LTN1: variants seen among roughly 807,000 people sequenced by gnomAD.
LTN1 encodes the protein listerin E3 ubiquitin protein ligase 1.
A neutral mutation model predicts 201.2 loss-of-function variants in LTN1; 88 were observed. The observed-to-expected ratio is 0.44, with a 90% CI of 0.37 to 0.52. LTN1 has a LOEUF of 0.52. Among genes scored for constraint, LTN1 ranks in the 20% least tolerant of loss-of-function variants. The pLI, the probability that LTN1 is intolerant of heterozygous loss-of-function variation, is 0.00. For missense variants in LTN1, 1,752 were observed against 2,038.7 expected (o/e 0.86, Z 2.71); for synonymous variants, 645 against 713.5 (o/e 0.90, Z 1.53).
At position 28,982,377 on chromosome 21, in the gene LTN1, G is replaced by A. The variant is rs1048265879; in HGVS notation, c.577-9C>T. 54 of 1,610,922 alleles carry A rather than the reference G, an allele frequency of 3.4e-5. No homozygotes were observed. Among genetic ancestry groups the A allele is most frequent in the Non-Finnish European group, 4.5e-5 (53 of 1,177,256 alleles). ...AGATGATCCTGCAGCACCTACAAAG[G>A]GGGGAAATACCAAAGCCTTTGGTTT... is the stretch of plus-strand genomic sequence containing the variant. On this transcript the variant is annotated splice_polypyrimidine_tract_variant and intron_variant, in intron 4 of 29. Coordinates refer to ENST00000361371, the MANE Select transcript of LTN1 (RefSeq NM_015565.3).
intron 26 of LTN1, 40 bp from the exon 27 acceptor site, chr21:28,935,369 C>A (rs2084246789): frequency 1.7e-6 from 2 of 1,204,686 alleles, no homozygotes; most frequent in Admixed American, 1.9e-5. Flanking sequence ...ACATATATTT[C>A]TTATATAGAA....
Position 28,933,206 on chromosome 21 carries a change from T to G in LTN1, c.4876-542A>C, listed in dbSNP as rs2084225339. Among the ~76,000 whole-genome samples the G allele has an allele frequency of 1.9e-5, 2 of 103,178 alleles. 1 individual carries two copies. Among genetic ancestry groups the G allele is most frequent in the South Asian group, 5.3e-4 (2 of 3,778 alleles). The allele number at this position is 103,178 out of a possible 152,430, so 67.7% of individuals were successfully genotyped here. A position where few individuals can be genotyped will look rare whatever the true frequency, so the allele number is the denominator to read the frequency against. On this transcript the variant is annotated intron_variant, in intron 27 of 29. Transcript: ENST00000361371. ...CTACTTCCAGGCTAAAAAATCATGA[T>G]AGCTCATTTTAAATTTCTGCTTCTA...
At chr21:28,935,041 A>G (rs2146256415) in intron 27 of LTN1, 68 bp downstream of exon 27, 1 of 992,828 alleles carries the variant, frequency 1.0e-6, no homozygotes, top group Non-Finnish European at 1.6e-6. Flanking sequence ...GTCTGTTATG[A>G]TATTAACAAT....
rs2084346610 is a variant in LTN1 at position 28,947,449 on chromosome 21, T to C, written c.3487+15A>G. On this transcript the variant is annotated intron_variant, in intron 19 of 29. Coordinates refer to ENST00000361371, the MANE Select transcript of LTN1 (RefSeq NM_015565.3). ...ATAATTAAATTAATGAAATATTTAT[T>C]ATCAAGCAACTAACCATTAGTGCTG... 6.7e-7 allele frequency: 1 copy of C among 1,503,130 alleles called. No individual in the cohort carries two copies. Among genetic ancestry groups the C allele is most frequent in the African/African-American group, 1.4e-5 (1 of 69,716 alleles). The allele number at this position is 1,503,130 out of a possible 1,614,324, so 93.1% of individuals were successfully genotyped here.
chr21:28,935,689 A>G (rs1475596537), intron 26 of LTN1, among the ~76,000 whole-genome samples: 1 of 151,986 alleles, frequency 6.6e-6, no homozygotes, highest in East Asian at 1.9e-4. Context: ...AAATACAAAA[A>G]ATTAGGTGGG....
Position 28,959,703 on chromosome 21 carries a change from G to GA in LTN1, c.2354-7dup, listed in dbSNP as rs758084053. ...TACGTCTCCAATCAAGTAATCTGGA[G>GA]AAAAAAAGGTTCAAACAGACAAAAA... On this transcript the variant is annotated splice_region_variant and splice_polypyrimidine_tract_variant and intron_variant, in intron 12 of 29. Coordinates refer to ENST00000361371, the MANE Select transcript of LTN1 (RefSeq NM_015565.3). 9.5e-6 allele frequency: 15 copies of GA among 1,580,350 alleles called. No homozygotes were observed. In the Admixed American group the frequency reaches 2.1e-4, roughly 22 times the overall value.
Position 28,986,430 on chromosome 21 carries a change from TA to T in LTN1, c.247-194del. ...AACTCTTCAGTTGTTTTTTTAAAAA[TA>T]AAACATCTACAAACAAAAAAACCTC... is the stretch of plus-strand genomic sequence containing the variant. On this transcript the variant is annotated intron_variant, in intron 2 of 29. Transcript: ENST00000361371. This position sits in a 1 kb window ranked among gnomAD's most constrained non-coding sequence, Gnocchi z 4.1. 2.9e-6 allele frequency: 2 copies of T among 682,526 alleles called. No homozygotes were observed. The highest frequency in any genetic ancestry group is 5.3e-6 in the Non-Finnish European group (2 of 379,606). 42.3% of individuals were successfully genotyped at this position (682,526 alleles called of 1,614,324 possible). A position where few individuals can be genotyped will look rare whatever the true frequency, so the allele number is the denominator to read the frequency against.
chr21:28,984,983 T>C, intron 3 of LTN1, 61 bp from the exon 4 acceptor site: 1 of 1,235,544 alleles, frequency 8.1e-7, no homozygotes, highest in Non-Finnish European at 1.2e-6. Context: ...TCACAGACAT[T>C]TCCGGATATG....
intron 11 of LTN1, 22 bp downstream of exon 11, chr21:28,965,843 G>GA (rs762380599): frequency 3.6e-4 from 432 of 1,213,446 alleles, no homozygotes; most frequent in Admixed American, 4.1e-4. Context: ...AAAAAAAAAA[G>GA]AAAAAAAAAT....
chr21:28,944,281 A>G (rs1454639897), intron 22 of LTN1, 102 bp downstream of exon 22: 6 of 828,348 alleles, frequency 7.2e-6, no homozygotes, highest in Non-Finnish European at 9.8e-6. Flanking sequence ...TTCTTTTACT[A>G]TTTAGTATTA....
At chr21:28,937,762 G>A (rs1282312557) in intron 25 of LTN1, among the ~76,000 whole-genome samples, 3 of 151,940 alleles carry the variant, frequency 2.0e-5, no homozygotes, top group Non-Finnish European at 4.4e-5. Context: ...TCAGATTTTC[G>A]GATCTGGGAT....
rs530959411 is a variant in LTN1, at chr21:28,953,326, G to C, written c.3130C>G (p.Pro1044Ala). ...LQWCEELDNP[P>A]IFLIGFCEIL... Reference sequence around the variant, plus strand: ...TCACAAAATCCAATTAGAAAAATAGGTGGGTTATCTAATTCTTCACACCAC... The same window carrying C: ...TCACAAAATCCAATTAGAAAAATAGCTGGGTTATCTAATTCTTCACACCAC... The change falls in exon 17 of 30, where the codon CCT becomes GCT. Residue 1044 changes from proline to alanine, a missense_variant. Pro to Ala is a conservative substitution (Grantham distance 27). Around this residue, in one of 3 missense-constraint regions of LTN1, gnomAD observed 1,211 missense variants for 1,312.8 expected, o/e 0.92. Coordinates refer to ENST00000361371, the MANE Select transcript of LTN1 (RefSeq NM_015565.3). The C allele has an allele frequency of 1.2e-6, 2 of 1,606,636 alleles. No homozygotes were observed. The highest frequency in any genetic ancestry group is 2.2e-5 in the South Asian group (2 of 89,656).
At chr21:28,983,041 T>C (rs939953477) in intron 4 of LTN1, among the ~76,000 whole-genome samples, 1 of 152,232 alleles carries the variant, frequency 6.6e-6, no homozygotes. Flanking sequence ...AGAGTGGGAC[T>C]AGAACCAATG....
At chr21:28,936,029 C>T (rs984837378) in intron 26 of LTN1, among the ~76,000 whole-genome samples, 5 of 152,160 alleles carry the variant, frequency 3.3e-5, no homozygotes, top group Non-Finnish European at 7.4e-5. Flanking sequence ...TTCCCCAGAG[C>T]TTGCTGAACT....
Position 28,930,335 on chromosome 21 carries a change from G to T in LTN1, c.*113C>A. On this transcript the variant is annotated 3_prime_UTR_variant, in exon 30 of 30. Transcript: ENST00000361371. Reference sequence around the variant, plus strand: ...TAACCAAAATAATTTTCCAGAGAAGGTCCTATTTAAAAGTAATGCTCACTG... The same window carrying T: ...TAACCAAAATAATTTTCCAGAGAAGTTCCTATTTAAAAGTAATGCTCACTG... 2 of 655,472 alleles carry T rather than the reference G, an allele frequency of 3.1e-6. No homozygotes were observed. Among genetic ancestry groups the T allele is most frequent in the Non-Finnish European group, 5.2e-6 (2 of 381,198 alleles). The allele number at this position is 655,472 out of a possible 1,614,324, so 40.6% of individuals were successfully genotyped here.
intron 6 of LTN1, among the ~76,000 whole-genome samples, chr21:28,977,244 G>C (rs987986517): frequency 4.6e-5 from 7 of 151,868 alleles, no homozygotes; most frequent in Non-Finnish European, 7.4e-5. Context: ...CGTGGTGGCA[G>C]GCACCTGTAA....
chr21:28,988,154 A>AG (rs972983516), intron 1 of LTN1, among the ~76,000 whole-genome samples: 13 of 145,834 alleles, frequency 8.9e-5, no homozygotes, highest in African/African-American at 3.0e-4. Flanking sequence ...AAAAAAAAAA[A>AG]AACAACAAAA....
At chr21:28,988,979 A>G (rs1250480550) in intron 1 of LTN1, among the ~76,000 whole-genome samples, 1 of 151,854 alleles carries the variant, frequency 6.6e-6, no homozygotes. Context: ...AAAAAAAAAG[A>G]AAAGAATAAA....
Position 28,931,201 on chromosome 21 carries a change from T to C in LTN1, c.5192A>G (p.Lys1731Arg), listed in dbSNP as rs1460474822. The C allele has an allele frequency of 6.2e-7, 1 of 1,613,548 alleles. No individual in the cohort carries two copies. Among genetic ancestry groups the C allele is most frequent in the Non-Finnish European group, 8.5e-7 (1 of 1,179,824 alleles). Residue 1731 changes from lysine (K) to arginine (R), a missense_variant, in exon 29 of 30, where the codon AAA becomes AGA. Lys to Arg is a conservative substitution (Grantham distance 26, BLOSUM62 2). Transcript: ENST00000361371. ...VIHGFNYSLP[K>R]KACRTCKKKF... ...TTTCTTGCATGTTCTACAGGCTTTT[T>C]TGGGAAGGGAATAGTTGAAACCGTG... is the stretch of plus-strand genomic sequence containing the variant.
Sources: gnomAD v4.1 joint callset for allele counts (sites outside exome capture counted in the v4.1 genomes callset) on GRCh38, gnomAD v4.1.1 for gene constraint, gnomAD v4.1.1 regional missense constraint, Gnocchi (gnomAD v3.1) non-coding constraint, MANE v1.5 for transcripts, NCBI Gene and HGNC (gene_info 2026-07-23, HGNC 2026-07-21) for gene names.